HCN1: variants seen among roughly 807,000 people sequenced by gnomAD.
HCN1 encodes the protein hyperpolarization activated cyclic nucleotide gated potassium channel 1.
HCN1 carries 13 observed loss-of-function variants against 78.9 expected under a neutral mutation model. The observed-to-expected ratio is 0.16, with a 90% confidence interval of 0.11 to 0.26. The LOEUF (loss-of-function observed/expected upper bound fraction) is 0.26. HCN1 is among the 10% of genes least tolerant of loss of function. The probability of loss-of-function intolerance (pLI) is 1.00; values close to 1 mark genes in which losing one functional copy is unlikely to be tolerated. For missense variants in HCN1, 810 were observed against 1,154.3 expected (o/e 0.70, Z 4.32); for synonymous variants, 552 against 455.5 (o/e 1.21, Z -2.70).
chr5:45,307,681 G>T (rs147971825), intron 5 of HCN1, among the ~76,000 whole-genome samples: 2 of 152,210 alleles, frequency 1.3e-5, no homozygotes, highest in Non-Finnish European at 2.9e-5. Flanking sequence ...GGAAGAAACT[G>T]TCCCAGACAA....
intron 2 of HCN1, among the ~76,000 whole-genome samples, chr5:45,522,349 A>T (rs1448209907): frequency 6.6e-6 from 1 of 152,048 alleles, no homozygotes; most frequent in Non-Finnish European, 1.5e-5. Flanking sequence ...CAAAATCACC[A>T]TGTGAAAAAC....
chr5:45,441,516 G>T (rs1056159482), intron 3 of HCN1, among the ~76,000 whole-genome samples: 2 of 152,278 alleles, frequency 1.3e-5, no homozygotes, highest in Admixed American at 1.3e-4. Context: ...GGTATGGGAA[G>T]GGGTGTTATA....
At chr5:45,562,757 G>GA (rs777446378) in intron 2 of HCN1, among the ~76,000 whole-genome samples, 12 of 151,880 alleles carry the variant, frequency 7.9e-5, no homozygotes, top group East Asian at 1.9e-4. Flanking sequence ...ACGTCACTCA[G>GA]AAAAAAAATT....
chr5:45,667,790 T>C (rs572434231), intron 1 of HCN1, among the ~76,000 whole-genome samples: 8 of 152,100 alleles, frequency 5.3e-5, no homozygotes, highest in African/African-American at 1.9e-4. Flanking sequence ...TACTATGACA[T>C]TGTAGTTCTT....
chr5:45,267,471 A>AAAT (rs1360576205), intron 6 of HCN1, among the ~76,000 whole-genome samples: 1 of 151,972 alleles, frequency 6.6e-6, no homozygotes, highest in Non-Finnish European at 1.5e-5. Context: ...TTTAAAAAAA[A>AAAT]AAAAAACAGT....
chr5:45,514,148 CTCCTT>C (rs1441541225), intron 2 of HCN1, among the ~76,000 whole-genome samples: 2 of 152,076 alleles, frequency 1.3e-5, no homozygotes, highest in Non-Finnish European at 2.9e-5. Context: ...AAAATTTCTT[CTCCTT>C]ATTTTCTGAG....
At chr5:45,645,952 GAAGTAT>G (rs907290392) in intron 1 of HCN1, among the ~76,000 whole-genome samples, 4 of 151,872 alleles carry the variant, frequency 2.6e-5, no homozygotes, top group Non-Finnish European at 5.9e-5. Context: ...AAACTAGAAA[GAAGTAT>G]AAGATTAGAA....
chr5:45,301,297 T>C (rs1035614346), intron 6 of HCN1, among the ~76,000 whole-genome samples: 4 of 136,388 alleles, frequency 2.9e-5, no homozygotes, highest in Non-Finnish European at 6.3e-5. Context: ...TACTCACAAA[T>C]ATACTTTGGT....
intron 1 of HCN1, among the ~76,000 whole-genome samples, chr5:45,689,563 T>C (rs1305202225): frequency 6.6e-6 from 1 of 151,664 alleles, no homozygotes; most frequent in Non-Finnish European, 1.5e-5. Flanking sequence ...GTGAAAAGAG[T>C]ATTTCAAGCT....
rs1175195391 is a variant in HCN1, at chr5:45,396,345, A to G, written c.1230+147T>C. The G allele has an allele frequency of 1.3e-5, 9 of 705,928 alleles. No homozygotes were observed. The East Asian group carries it at 2.2e-4, about 17-fold the overall frequency. The allele number at this position is 705,928 out of a possible 1,614,324, so 43.7% of individuals were successfully genotyped here. ...AACTATCTTGAAGAAACCTCAAAAT[A>G]TCAAAGAAGATAGTGTGTTTTTACT... On this transcript the variant is annotated intron_variant, in intron 4 of 7. Transcript: ENST00000303230.
At chr5:45,618,990 TGA>T (rs1745009243) in intron 2 of HCN1, among the ~76,000 whole-genome samples, 1 of 152,106 alleles carries the variant, frequency 6.6e-6, no homozygotes, top group South Asian at 2.1e-4. Flanking sequence ...ATTATCATTT[TGA>T]GAGTAATTAC....
At chr5:45,421,128 T>C (rs566296234) in intron 3 of HCN1, among the ~76,000 whole-genome samples, 8 of 151,972 alleles carry the variant, frequency 5.3e-5, no homozygotes, top group Non-Finnish European at 7.4e-5. Context: ...AGTGGTGCGA[T>C]CTCAGCTCAA....
intron 2 of HCN1, among the ~76,000 whole-genome samples, chr5:45,612,990 T>C (rs886413748): frequency 6.6e-6 from 1 of 152,108 alleles, no homozygotes; most frequent in Non-Finnish European, 1.5e-5. Context: ...AATACAAACG[T>C]TGGAGGAAGG....
At chr5:45,433,695 C>A (rs902241046) in intron 3 of HCN1, among the ~76,000 whole-genome samples, 1 of 152,086 alleles carries the variant, frequency 6.6e-6, no homozygotes, top group African/African-American at 2.4e-5. Flanking sequence ...ATTAGCCTGG[C>A]AAAATATGCA....
At chr5:45,571,330 C>T (rs914007173) in intron 2 of HCN1, among the ~76,000 whole-genome samples, 21 of 152,064 alleles carry the variant, frequency 1.4e-4, no homozygotes, top group African/African-American at 5.1e-4. Context: ...ATGGTTTTTT[C>T]TTGGAGATGT....
At chr5:45,524,641 T>C (rs1408872618) in intron 2 of HCN1, among the ~76,000 whole-genome samples, 2 of 152,170 alleles carry the variant, frequency 1.3e-5, no homozygotes, top group South Asian at 4.1e-4. Context: ...CGTTCACTCA[T>C]GATTTGGCTC....
intron 1 of HCN1, among the ~76,000 whole-genome samples, chr5:45,646,656 G>A (rs1200258939): frequency 6.6e-6 from 1 of 151,964 alleles, no homozygotes; most frequent in Admixed American, 6.6e-5. Context: ...GAACTTCATT[G>A]CTGGTTTATA....
chr5:45,507,742 T>C (rs1742337779), intron 2 of HCN1, among the ~76,000 whole-genome samples: 3 of 152,102 alleles, frequency 2.0e-5, no homozygotes, highest in Admixed American at 6.6e-5. Context: ...TAATGAAAGA[T>C]TAGAAAGACA....
chr5:45,510,023 A>C (rs1283373126), intron 2 of HCN1, among the ~76,000 whole-genome samples: 1 of 152,078 alleles, frequency 6.6e-6, no homozygotes, highest in African/African-American at 2.4e-5. Context: ...AAATTAACAA[A>C]ATTGAATTAT....
Sources: allele counts gnomAD v4.1 joint callset (sites outside exome capture counted in the v4.1 genomes callset), GRCh38; gene constraint gnomAD v4.1.1; transcripts MANE v1.5; gene names NCBI Gene and HGNC (gene_info 2026-07-23, HGNC 2026-07-21).